ADAMTS18: variants seen among roughly 807,000 people sequenced by gnomAD.
The protein encoded by ADAMTS18 is A disintegrin and metalloproteinase with thrombospondin motifs 18.
ADAMTS18 carries 157 observed loss-of-function variants against 165.9 expected under a neutral mutation model. That is an observed-to-expected ratio of 0.95 (90% CI 0.83 to 1.08). The LOEUF is 1.08. Ranked by LOEUF, ADAMTS18 falls within the 50% of genes least tolerant of loss-of-function variation. The probability of loss-of-function intolerance (pLI) is 0.00; values close to 1 mark genes in which losing one functional copy is unlikely to be tolerated. For synonymous variants in ADAMTS18, 782 were observed against 578.2 expected (o/e 1.35, Z -5.06); for missense variants, 2,040 against 1,534.0 (o/e 1.33, Z -5.51).
In ADAMTS18 at chr16:77,289,488, C is replaced by T. The variant is rs2055322441; in HGVS notation, c.3403-77G>A. The T allele has an allele frequency of 2.6e-6, 4 of 1,542,570 alleles. No homozygotes were observed. The South Asian group carries it at 4.5e-5, about 17-fold the overall frequency. ...ACATCAAACAGAAGGAATTCCCATG[C>T]TTCATGACATTAACAAGATGCCTGC... On this transcript the variant is annotated intron_variant, in intron 21 of 22. Coordinates refer to ENST00000282849, the MANE Select transcript of ADAMTS18 (RefSeq NM_199355.4).
In ADAMTS18 at chr16:77,434,662, G is replaced by A. The variant is rs767465346; in HGVS notation, c.34C>T (p.Pro12Ser). The change falls in exon 1 of 23, where the codon CCG (proline) becomes TCG (serine). Residue 12 changes from proline to serine, a missense_variant. Physicochemically the swap from Pro to Ser is moderately conservative, Grantham distance 74 (BLOSUM62 -1). Transcript: ENST00000282849. ...CTCGGCGGGCCCGAACCCGCAGCCG[G>A]GAAGGCACACGCGAGCAGGAGGGCG... is the stretch of plus-strand genomic sequence containing the variant. ...ECALLLACAFPAAGSGPPRGL... is the reference protein window; with the variant it reads ...ECALLLACAFSAAGSGPPRGL... The A allele has an allele frequency of 6.8e-7, 1 of 1,479,670 alleles. No individual in the cohort carries two copies. The highest frequency in any genetic ancestry group is 8.9e-7 in the Non-Finnish European group (1 of 1,122,060). The allele number at this position is 1,479,670 out of a possible 1,614,324, so 91.7% of individuals were successfully genotyped here.
chr16:77,312,727 A>G (rs1307039640), intron 16 of ADAMTS18, among the ~76,000 whole-genome samples: 1 of 152,234 alleles, frequency 6.6e-6, no homozygotes, highest in East Asian at 1.9e-4. Context: ...AGACATGCAA[A>G]TCAAAACCAC....
chr16:77,345,673 A>T (rs1339517648), intron 10 of ADAMTS18, among the ~76,000 whole-genome samples: 2 of 152,180 alleles, frequency 1.3e-5, no homozygotes, highest in Non-Finnish European at 2.9e-5. Flanking sequence ...ATTACTTAAA[A>T]TCAAAATAAG....
At chr16:77,379,781 G>A (rs1279527275) in intron 3 of ADAMTS18, among the ~76,000 whole-genome samples, 4 of 152,100 alleles carry the variant, frequency 2.6e-5, no homozygotes, top group Non-Finnish European at 5.9e-5. Flanking sequence ...GTAAGCCACC[G>A]TGTCTGCCCC....
chr16:77,410,461 C>G (rs1198351967), intron 3 of ADAMTS18, among the ~76,000 whole-genome samples: 1 of 152,090 alleles, frequency 6.6e-6, no homozygotes, highest in Admixed American at 6.5e-5. Flanking sequence ...GCCTAGGAAT[C>G]TGAATTTTTA....
chr16:77,292,075 G>T (rs182502380), intron 20 of ADAMTS18, among the ~76,000 whole-genome samples: 6 of 152,258 alleles, frequency 3.9e-5, no homozygotes, highest in African/African-American at 1.4e-4. Context: ...GAAGTCTGGG[G>T]CAGGTGGATC....
intron 3 of ADAMTS18, among the ~76,000 whole-genome samples, chr16:77,424,454 G>A (rs1285130956): frequency 6.7e-6 from 1 of 149,108 alleles, no homozygotes; most frequent in Non-Finnish European, 1.5e-5. Flanking sequence ...GGCAACAAGA[G>A]TGAAACTCCA....
intron 18 of ADAMTS18, among the ~76,000 whole-genome samples, chr16:77,297,045 T>G (rs532087926): frequency 2.0e-5 from 3 of 152,344 alleles, no homozygotes; most frequent in African/African-American, 7.2e-5. Flanking sequence ...GGCACAATCA[T>G]GACTCACTGG....
At chr16:77,373,399 C>T (rs555842630) in intron 3 of ADAMTS18, among the ~76,000 whole-genome samples, 4 of 150,006 alleles carry the variant, frequency 2.7e-5, no homozygotes, top group African/African-American at 4.9e-5. Flanking sequence ...GCGGAGGTTG[C>T]AGTGAGCTGA....
At chr16:77,374,275 G>C (rs114298882) in intron 3 of ADAMTS18, among the ~76,000 whole-genome samples, 1,549 of 152,016 alleles carry the variant, frequency 0.01, 33 homozygotes, top group African/African-American at 0.036. Context: ...GAGTGGAGGT[G>C]ATGCTGAAGG....
chr16:77,326,090 T>C, intron 12 of ADAMTS18, 52 bp from the exon 13 acceptor site: 1 of 1,548,716 alleles, frequency 6.5e-7, no homozygotes. Context: ...GGCTCATTAT[T>C]AGTCACATGC....
chr16:77,379,682 G>A (rs1273645261), intron 3 of ADAMTS18, among the ~76,000 whole-genome samples: 1 of 152,072 alleles, frequency 6.6e-6, no homozygotes, highest in Non-Finnish European at 1.5e-5. Flanking sequence ...GTAGAGACTG[G>A]GTTTTAGCAT....
chr16:77,351,356 A>G (rs1033216904), intron 10 of ADAMTS18, among the ~76,000 whole-genome samples: 9 of 152,162 alleles, frequency 5.9e-5, no homozygotes, highest in Non-Finnish European at 1.3e-4. Context: ...GCTTCCCATG[A>G]AAGACCATCA....
intron 11 of ADAMTS18, among the ~76,000 whole-genome samples, chr16:77,338,318 C>G (rs575265898): frequency 6.6e-6 from 1 of 152,228 alleles, no homozygotes; most frequent in South Asian, 2.1e-4. Context: ...ACACTGTAGC[C>G]TCCACCTCCC....
At chr16:77,424,275 C>G (rs1237159052) in intron 3 of ADAMTS18, among the ~76,000 whole-genome samples, 1 of 152,158 alleles carries the variant, frequency 6.6e-6, no homozygotes, top group Non-Finnish European at 1.5e-5. Flanking sequence ...TCAAGACCAG[C>G]CTGACCAACA....
intron 10 of ADAMTS18, among the ~76,000 whole-genome samples, chr16:77,352,222 C>A (rs1351515533): frequency 6.6e-6 from 1 of 152,050 alleles, no homozygotes; most frequent in Admixed American, 6.5e-5. Flanking sequence ...TTTCTTCGGA[C>A]TGGAGTTATG....
chr16:77,353,383 T>C (rs1182875797), intron 10 of ADAMTS18, among the ~76,000 whole-genome samples: 1 of 152,202 alleles, frequency 6.6e-6, no homozygotes, highest in African/African-American at 2.4e-5. Flanking sequence ...GGTGATGATT[T>C]GAAACGAATT....
At chr16:77,392,275 C>A (rs898521651) in intron 3 of ADAMTS18, among the ~76,000 whole-genome samples, 6 of 152,174 alleles carry the variant, frequency 3.9e-5, no homozygotes, top group African/African-American at 1.4e-4. Context: ...TTTGCATGAC[C>A]TGAACTCACC....
At chr16:77,330,788 G>C (rs1009015945) in intron 12 of ADAMTS18, among the ~76,000 whole-genome samples, 2 of 152,198 alleles carry the variant, frequency 1.3e-5, no homozygotes, top group African/African-American at 4.8e-5. Flanking sequence ...AATAAAGTCT[G>C]TTCTGGGAAA....
Sources: allele counts gnomAD v4.1 joint callset (sites outside exome capture counted in the v4.1 genomes callset), GRCh38; gene constraint gnomAD v4.1.1; transcripts MANE v1.5; gene names NCBI Gene and HGNC (gene_info 2026-07-23, HGNC 2026-07-21).